RNF13: variants seen among roughly 807,000 people sequenced by gnomAD.
RNF13 encodes the protein ring finger protein 13, also known as E3 ubiquitin-protein ligase RNF13.
Under a neutral mutation model 37.7 loss-of-function variants are expected in RNF13, and 19 were observed. The ratio of observed to expected loss-of-function variants is 0.50; its 90% confidence interval spans 0.35 to 0.74. RNF13 has a LOEUF of 0.74. Among genes scored for constraint, RNF13 ranks in the 30% least tolerant of loss-of-function variants. The pLI is 0.01. For missense variants in RNF13, 375 were observed against 453.0 expected (o/e 0.83, Z 1.56); for synonymous variants, 144 against 157.8 (o/e 0.91, Z 0.65).
intron 8 of RNF13, among the ~76,000 whole-genome samples, chr3:149,947,281 T>C (rs958425337): frequency 1.3e-5 from 2 of 152,202 alleles, no homozygotes; most frequent in African/African-American, 2.4e-5. Flanking sequence ...CCAATTGGTC[T>C]AAAGAGTTAT....
At chr3:149,930,012 G>A (rs1437210346) in intron 8 of RNF13, among the ~76,000 whole-genome samples, 7 of 152,060 alleles carry the variant, frequency 4.6e-5, no homozygotes, top group Admixed American at 1.3e-4. Context: ...TGCAACCTCC[G>A]CCTCCCAGGT....
chr3:149,846,659 G>A (rs535598795), intron 2 of RNF13, among the ~76,000 whole-genome samples: 11 of 152,270 alleles, frequency 7.2e-5, no homozygotes, highest in African/African-American at 2.6e-4. Flanking sequence ...TGAACAATCA[G>A]TACCTGATAA....
chr3:149,912,748 T>A (rs1224661966), intron 7 of RNF13, among the ~76,000 whole-genome samples: 1 of 152,108 alleles, frequency 6.6e-6, no homozygotes, highest in African/African-American at 2.4e-5. Context: ...TAAGGGGGAA[T>A]GACATATTAT....
At chr3:149,893,441 G>T (rs1434106155) in intron 4 of RNF13, among the ~76,000 whole-genome samples, 2 of 152,086 alleles carry the variant, frequency 1.3e-5, no homozygotes, top group Admixed American at 6.6e-5. Context: ...TACTTTTTGG[G>T]TGTGGAAAGA....
chr3:149,825,169 G>T (rs1257335977), intron 1 of RNF13, among the ~76,000 whole-genome samples: 2 of 150,822 alleles, frequency 1.3e-5, no homozygotes, highest in Admixed American at 6.6e-5. Context: ...ATGTTGCCCA[G>T]GCTCCAGCAA....
intron 5 of RNF13, among the ~76,000 whole-genome samples, chr3:149,897,166 A>C (rs888401864): frequency 6.6e-6 from 1 of 152,212 alleles, no homozygotes; most frequent in African/African-American, 2.4e-5. Context: ...AATGGAAAGC[A>C]TGCGTAGTCT....
intron 2 of RNF13, 28 bp downstream of exon 2, chr3:149,846,168 T>C: frequency 7.3e-7 from 1 of 1,374,410 alleles, no homozygotes; most frequent in Non-Finnish European, 1.0e-6. Flanking sequence ...TATTCATGTC[T>C]AGAAACATCC....
chr3:149,813,828 T>C, intron 1 of RNF13: 1 of 152,536 alleles, frequency 6.6e-6, no homozygotes, highest in Non-Finnish European at 1.5e-5. Context: ...GGTTTGGGAC[T>C]TAACCCCTGC....
At chr3:149,835,663 G>A (rs960146640) in intron 1 of RNF13, among the ~76,000 whole-genome samples, 2 of 150,524 alleles carry the variant, frequency 1.3e-5, no homozygotes, top group Non-Finnish European at 3.0e-5. Flanking sequence ...GTGTGTGTGT[G>A]TGTTTGTGTG....
chr3:149,926,361 G>C (rs1576548745), intron 8 of RNF13, among the ~76,000 whole-genome samples: 1 of 151,988 alleles, frequency 6.6e-6, no homozygotes, highest in South Asian at 2.1e-4. Context: ...ACAGGCGCCC[G>C]CCACCATGCC....
intron 8 of RNF13, among the ~76,000 whole-genome samples, chr3:149,959,365 A>G (rs1204170413): frequency 2.6e-5 from 4 of 151,944 alleles, no homozygotes; most frequent in Non-Finnish European, 4.4e-5. Context: ...AAAAACTTAA[A>G]AAACACTGGA....
Position 149,820,039 on chromosome 3 carries a change from G to A in RNF13, c.-17+6686G>A, listed in dbSNP as rs560116989. On this transcript the variant is annotated intron_variant, in intron 1 of 9. Coordinates refer to ENST00000392894, the MANE Select transcript of RNF13 (RefSeq NM_183381.3). The stretch of plus-strand genomic sequence containing the variant: ...ACATTAAAACATTTAAATGTTTATT[G>A]CCACATTAATGTAAACTGAAAAGAA... Among the ~76,000 whole-genome samples the A allele has an allele frequency of 2.0e-5, 3 of 151,904 alleles. 1 individual carries two copies. In the South Asian group the frequency reaches 6.2e-4, roughly 32 times the overall value.
intron 4 of RNF13, among the ~76,000 whole-genome samples, chr3:149,893,268 C>T (rs1216494609): frequency 6.6e-6 from 1 of 152,222 alleles, no homozygotes; most frequent in Non-Finnish European, 1.5e-5. Context: ...TGCCTTCACA[C>T]ATATTTTTAT....
rs142397334 is a variant in RNF13, at chr3:149,868,775, C to A, written c.196-3254C>A. Among the ~76,000 whole-genome samples, 231 of 151,780 alleles carry A rather than the reference C, an allele frequency of 1.5e-3. 4 individuals are homozygous for A. The highest frequency in any genetic ancestry group is 0.014 in the East Asian group (72 of 5,182). On this transcript the variant is annotated intron_variant, in intron 3 of 9. Coordinates refer to ENST00000392894, the MANE Select transcript of RNF13 (RefSeq NM_183381.3). ...CTTTTTTCTTGCTGCATTTAGGATC[C>A]TCTCTTTGTCCTTGACCTTTGAGAG... is the stretch of plus-strand genomic sequence containing the variant.
intron 1 of RNF13, among the ~76,000 whole-genome samples, chr3:149,829,224 C>T (rs1385241001): frequency 6.6e-6 from 1 of 152,086 alleles, no homozygotes; most frequent in Non-Finnish European, 1.5e-5. Context: ...CTCAGCCTCC[C>T]AAGTAGCTGG....
At chr3:149,843,378 G>A (rs909709052) in intron 1 of RNF13, among the ~76,000 whole-genome samples, 18 of 152,080 alleles carry the variant, frequency 1.2e-4, no homozygotes, top group African/African-American at 4.3e-4. Context: ...ATACATCAAA[G>A]TATGAGCACT....
At chr3:149,957,438 T>A (rs1721972618) in intron 8 of RNF13, among the ~76,000 whole-genome samples, 1 of 152,212 alleles carries the variant, frequency 6.6e-6, no homozygotes, top group Admixed American at 6.5e-5. Context: ...AACCTAGCTT[T>A]CAAATAAAAC....
chr3:149,929,292 G>A (rs6440642), intron 8 of RNF13, among the ~76,000 whole-genome samples: 137,249 of 152,228 alleles, frequency 0.9, 61,968 homozygotes, highest in African/African-American at 0.94. Context: ...AAGCAGGGGA[G>A]ATGCCAGATG....
At chr3:149,834,686 C>G (rs941549555) in intron 1 of RNF13, among the ~76,000 whole-genome samples, 2 of 152,164 alleles carry the variant, frequency 1.3e-5, no homozygotes, top group African/African-American at 4.8e-5. Context: ...TTTCTTCCCT[C>G]TCTCTCACTT....
Sources: allele counts gnomAD v4.1 joint callset (sites outside exome capture counted in the v4.1 genomes callset), GRCh38; gene constraint gnomAD v4.1.1; transcripts MANE v1.5; gene names NCBI Gene and HGNC (gene_info 2026-07-23, HGNC 2026-07-21).